MCTP2: variants seen among roughly 807,000 people sequenced by gnomAD.
MCTP2 encodes the protein multiple C2 and transmembrane domain containing 2.
A neutral mutation model predicts 111.6 loss-of-function variants in MCTP2; 132 were observed. The ratio of observed to expected loss-of-function variants is 1.18; its 90% CI spans 1.03 to 1.37. The LOEUF (loss-of-function observed/expected upper bound fraction) is 1.37. Among genes scored for constraint, MCTP2 ranks in the 40% most tolerant of loss-of-function variants. The pLI is 0.00. For synonymous variants in MCTP2, 395 were observed against 387.7 expected, an observed-to-expected ratio of 1.02 and a Z score of -0.22; for missense variants, 1,183 against 1,067.9, an observed-to-expected ratio of 1.11 and a Z score of -1.50.
intron 8 of MCTP2, 177 bp from the exon 9 acceptor site, chr15:94,355,960 A>C (rs1481650449): frequency 4.7e-6 from 6 of 1,271,152 alleles, no homozygotes; most frequent in African/African-American, 1.5e-5. Context: ...AAGCTTGAGA[A>C]GGAAGTCACA....
chr15:94,242,585 CAAG>C (rs939923101), intron 1 of MCTP2, among the ~76,000 whole-genome samples: 2 of 151,868 alleles, frequency 1.3e-5, no homozygotes, highest in Admixed American at 6.6e-5. Context: ...TTAAAAGAAA[CAAG>C]AGGCACATTT....
At chr15:94,445,965 CAGG>C (rs2084096023) in intron 19 of MCTP2, among the ~76,000 whole-genome samples, 2 of 152,300 alleles carry the variant, frequency 1.3e-5, no homozygotes, top group African/African-American at 4.8e-5. Flanking sequence ...ACAACTTCCT[CAGG>C]AGATGAATGC....
intron 17 of MCTP2, among the ~76,000 whole-genome samples, chr15:94,412,303 T>A (rs76275578): frequency 6.6e-6 from 1 of 152,040 alleles, no homozygotes; most frequent in African/African-American, 2.4e-5. Context: ...TTTTTTTTTT[T>A]AGGTACATTT....
intron 21 of MCTP2, among the ~76,000 whole-genome samples, chr15:94,472,643 A>G (rs950867003): frequency 6.6e-6 from 1 of 152,170 alleles, no homozygotes; most frequent in Non-Finnish European, 1.5e-5. Flanking sequence ...TGAGCTTTGT[A>G]CTTTACGTCT....
chr15:94,312,536 A>G lies in MCTP2; in HGVS notation c.466-1746A>G, dbSNP rs1212523439. 2.6e-5 allele frequency among the ~76,000 whole-genome samples: 4 copies of G among 152,348 alleles called. No individual in the cohort carries two copies. In the East Asian group the frequency reaches 5.8e-4, roughly 22 times the overall value. Reference sequence around the variant, plus strand: ...TCAGTCAGAGGCATATAGTGGCTATAGTGCCAGGGCCCTAGAAAAAGCTTG... The same window carrying G: ...TCAGTCAGAGGCATATAGTGGCTATGGTGCCAGGGCCCTAGAAAAAGCTTG... On this transcript the variant is annotated intron_variant, in intron 2 of 22. Transcript: ENST00000357742.
chr15:94,450,296 C>A (rs973818792), intron 19 of MCTP2, among the ~76,000 whole-genome samples: 1 of 152,200 alleles, frequency 6.6e-6, no homozygotes, highest in Non-Finnish European at 1.5e-5. Flanking sequence ...CAGATCTCCC[C>A]ACTCCATTTT....
chr15:94,322,773 T>C (rs1449605673), intron 4 of MCTP2, among the ~76,000 whole-genome samples: 2 of 152,200 alleles, frequency 1.3e-5, no homozygotes, highest in Admixed American at 6.5e-5. Flanking sequence ...TCCGGAGATG[T>C]TGGGTAATAA....
intron 4 of MCTP2, among the ~76,000 whole-genome samples, chr15:94,328,393 G>T (rs1439634756): frequency 2.0e-5 from 3 of 152,270 alleles, no homozygotes; most frequent in African/African-American, 7.2e-5. Flanking sequence ...CTCCCAAAGT[G>T]CTGGGATTCC....
At chr15:94,438,746 A>G (rs1426276500) in intron 17 of MCTP2, among the ~76,000 whole-genome samples, 1 of 152,196 alleles carries the variant, frequency 6.6e-6, no homozygotes, top group Non-Finnish European at 1.5e-5. Flanking sequence ...GAGTATTTAT[A>G]AAACATTTCA....
At chr15:94,246,311 G>GT (rs2072002572) in intron 1 of MCTP2, among the ~76,000 whole-genome samples, 1 of 152,142 alleles carries the variant, frequency 6.6e-6, no homozygotes, top group Admixed American at 6.5e-5. Flanking sequence ...GTGTGTCACT[G>GT]GGAAAGTTAC....
chr15:94,244,976 A>G (rs1341218827), intron 1 of MCTP2, among the ~76,000 whole-genome samples: 3 of 56,608 alleles, frequency 5.3e-5, no homozygotes, highest in Non-Finnish European at 1.4e-4. Flanking sequence ...ATGTATACAC[A>G]TACATATGCA....
intron 21 of MCTP2, among the ~76,000 whole-genome samples, chr15:94,475,657 A>G (rs1192823622): frequency 6.6e-6 from 1 of 152,160 alleles, no homozygotes; most frequent in African/African-American, 2.4e-5. Flanking sequence ...AAAACTTCAG[A>G]AGGCCACCTA....
At chr15:94,377,041 A>T (rs1329959022) in intron 12 of MCTP2, among the ~76,000 whole-genome samples, 1 of 152,082 alleles carries the variant, frequency 6.6e-6, no homozygotes, top group African/African-American at 2.4e-5. Flanking sequence ...CTGACTTTTG[A>T]GTTGTTTCTG....
intron 17 of MCTP2, among the ~76,000 whole-genome samples, chr15:94,423,649 A>C (rs566011556): frequency 1.6e-4 from 25 of 152,282 alleles, no homozygotes; most frequent in Non-Finnish European, 2.8e-4. Context: ...GGGGGCTTGA[A>C]TTTAGATATG....
chr15:94,459,261 G>C (rs1242538642), intron 20 of MCTP2, among the ~76,000 whole-genome samples: 2 of 151,978 alleles, frequency 1.3e-5, no homozygotes, highest in South Asian at 2.1e-4. Flanking sequence ...GAATTGCATG[G>C]GTAAACAGAT....
chr15:94,476,492 G>C (rs1052583711), intron 21 of MCTP2: 1 of 420,606 alleles, frequency 2.4e-6, no homozygotes, highest in Admixed American at 4.1e-5. Flanking sequence ...ACATGTGCTT[G>C]ACTTGAGGTC....
chr15:94,409,431 G>C lies in MCTP2; in HGVS notation c.2085+7412G>C, dbSNP rs534705639. ...ATGCCAAGCAGAGCTCTACCTCAAGGCTATGATAATACTCAAATATGAATA... is the reference window on the plus strand; with the variant it reads ...ATGCCAAGCAGAGCTCTACCTCAAGCCTATGATAATACTCAAATATGAATA... On this transcript the variant is annotated intron_variant, in intron 17 of 22. Coordinates refer to ENST00000357742, the MANE Select transcript of MCTP2 (RefSeq NM_001385001.1). Among the ~76,000 whole-genome samples the C allele has an allele frequency of 2.0e-5, 3 of 152,004 alleles. No homozygotes were observed. In the East Asian group the frequency reaches 5.8e-4, roughly 29 times the overall value.
At chr15:94,316,994 C>T (rs1170544499) in intron 4 of MCTP2, among the ~76,000 whole-genome samples, 3 of 152,072 alleles carry the variant, frequency 2.0e-5, no homozygotes, top group Admixed American at 6.6e-5. Context: ...TTTTTCCTCT[C>T]GGGAAGAATT....
chr15:94,355,033 C>T (rs917191934), intron 8 of MCTP2, among the ~76,000 whole-genome samples: 20 of 152,298 alleles, frequency 1.3e-4, no homozygotes, highest in African/African-American at 4.1e-4. Flanking sequence ...ACTTACTGAA[C>T]GGACAACGTA....
Sources: gnomAD v4.1 joint callset for allele counts (sites outside exome capture counted in the v4.1 genomes callset) on GRCh38, gnomAD v4.1.1 for gene constraint, MANE v1.5 for transcripts, NCBI Gene and HGNC (gene_info 2026-07-23, HGNC 2026-07-21) for gene names.